Variants in TRAM2 observed in about 807,000 individuals in gnomAD.
TRAM2 encodes translocating chain-associated membrane protein 2.
Under a neutral mutation model 51.0 loss-of-function variants are expected in TRAM2, and 12 were observed. The observed-to-expected ratio is 0.24, with a 90% CI of 0.15 to 0.38. The LOEUF is 0.38. Ranked by LOEUF, TRAM2 falls within the 10% of genes least tolerant of loss-of-function variation. The pLI is 1.00. For synonymous variants in TRAM2, 175 were observed against 179.4 expected, an observed-to-expected ratio of 0.98 and a Z score of 0.20; for missense variants, 361 against 462.0, an observed-to-expected ratio of 0.78 and a Z score of 2.00.
At chr6:52,535,030 C>A (rs1035678710) in intron 2 of TRAM2, among the ~76,000 whole-genome samples, 2 of 151,890 alleles carry the variant, frequency 1.3e-5, no homozygotes, top group Non-Finnish European at 2.9e-5. Context: ...TGTGGCTGGG[C>A]CTGAGGTTTG....
Position 52,509,542 on chromosome 6 carries a change from C to T in TRAM2, c.456G>A (p.Pro152=), listed in dbSNP as rs147227009. 57 of 1,614,040 alleles carry T rather than the reference C, an allele frequency of 3.5e-5. No homozygotes were observed. In the East Asian group the frequency reaches 6.7e-4, roughly 19 times the overall value. The change falls in exon 5 of 11, where the codon CCG becomes CCA. Residue 152 remains proline, a synonymous_variant. Coordinates refer to ENST00000182527, the MANE Select transcript of TRAM2 (RefSeq NM_012288.4). ...AGAATACTCACGGGAGGTGCACATG[C>T]GGGTAGTCTTCCCAGAGGCTTCTTG... ...TNPRSLWEDY[P]HVHLPFQVKF...
chr6:52,547,175 A>AGG, intron 1 of TRAM2, among the ~76,000 whole-genome samples: 1 of 152,094 alleles, frequency 6.6e-6, no homozygotes, highest in Non-Finnish European at 1.5e-5. Context: ...GGTGCGGGAG[A>AGG]AGCTTAGACC....
At chr6:52,547,230 A>G (rs755267177) in intron 1 of TRAM2, among the ~76,000 whole-genome samples, 1 of 152,182 alleles carries the variant, frequency 6.6e-6, no homozygotes, top group Non-Finnish European at 1.5e-5. Context: ...GTGGTTGGAC[A>G]TGCAGAAAAA....
intron 2 of TRAM2, chr6:52,524,336 A>G (rs1488460432): frequency 6.7e-6 from 1 of 149,558 alleles, no homozygotes; most frequent in Non-Finnish European, 1.5e-5. Flanking sequence ...TTTATGTAAG[A>G]AAGGGCAGGA....
At chr6:52,555,290 C>T (rs1169044647) in intron 1 of TRAM2, among the ~76,000 whole-genome samples, 1 of 151,968 alleles carries the variant, frequency 6.6e-6, no homozygotes, top group East Asian at 1.9e-4. Context: ...ACCCCCAACC[C>T]ACCACCTCTC....
chr6:52,519,696 C>T (rs1766628623), intron 2 of TRAM2, among the ~76,000 whole-genome samples: 1 of 152,030 alleles, frequency 6.6e-6, no homozygotes, highest in Non-Finnish European at 1.5e-5. Flanking sequence ...CATCCATGTC[C>T]ATAGCAGCAC....
intron 1 of TRAM2, among the ~76,000 whole-genome samples, chr6:52,558,988 T>G (rs1210617261): frequency 2.6e-5 from 4 of 152,202 alleles, no homozygotes; most frequent in Non-Finnish European, 5.9e-5. Context: ...GGAAAGCTGT[T>G]CAAGAACCTG....
At chr6:52,539,574 C>T (rs886890017) in intron 1 of TRAM2, among the ~76,000 whole-genome samples, 7 of 151,982 alleles carry the variant, frequency 4.6e-5, no homozygotes, top group African/African-American at 9.7e-5. Context: ...AAGTGTACAG[C>T]TCTAAAGCAT....
chr6:52,556,625 T>C (rs1767411057), intron 1 of TRAM2, among the ~76,000 whole-genome samples: 1 of 149,594 alleles, frequency 6.7e-6, no homozygotes, highest in Admixed American at 6.6e-5. Flanking sequence ...CAGGCAGCAA[T>C]GTTTGAGTGT....
At chr6:52,516,573 C>G in intron 3 of TRAM2, 55 bp downstream of exon 3, 1 of 1,471,904 alleles carries the variant, frequency 6.8e-7, no homozygotes, top group Non-Finnish European at 9.5e-7. Context: ...GCCAGGTCCT[C>G]CACCCCAAGG....
chr6:52,516,728 G>A lies in TRAM2; in HGVS notation c.194C>T (p.Thr65Ile). The stretch of plus-strand genomic sequence containing the variant: ...CTTAGGGCCATAGTGGTAGTGCACG[G>A]TCTCACTGTCTGTGGAGGTAATAAA... ...NISVPTADSE[T>I]VHYHYGPKDL... The change falls in exon 3 of 11, where the codon ACC becomes ATC. Residue 65 changes from threonine (T) to isoleucine (I), a missense_variant. Coordinates refer to ENST00000182527, the MANE Select transcript of TRAM2 (RefSeq NM_012288.4). The A allele has an allele frequency of 6.2e-7, 1 of 1,613,236 alleles. No individual in the cohort carries two copies. The highest frequency in any genetic ancestry group is 1.1e-5 in the South Asian group (1 of 91,060).
chr6:52,535,822 A>G lies in TRAM2; in HGVS notation c.145T>C (p.Phe49Leu), dbSNP rs1397053532. The G allele has an allele frequency of 1.2e-6, 2 of 1,614,004 alleles. No homozygotes were observed. The highest frequency in any genetic ancestry group is 2.2e-5 in the East Asian group (1 of 44,896). ...CTAATGTTATACTGAGGTAAAATAA[A>G]TAGAAAGGCAGTCTTGGCTGTGACC... ...FEVTAKTAFL[F>L]ILPQYNISVP... The change falls in exon 2 of 11, where the codon TTT (phenylalanine) becomes CTT (leucine). Residue 49 changes from phenylalanine to leucine, a missense_variant. Physicochemically the swap from Phe to Leu is conservative, Grantham distance 22 (BLOSUM62 0). Transcript: ENST00000182527.
rs1394189768 is a variant in TRAM2 at position 52,498,942 on chromosome 6, G to T, written c.*4255C>A. On this transcript the variant is annotated 3_prime_UTR_variant, in exon 11 of 11. Coordinates refer to ENST00000182527, the MANE Select transcript of TRAM2 (RefSeq NM_012288.4). The stretch of plus-strand genomic sequence containing the variant: ...TTGGGACAAAAAGTCTACAGGGGTT[G>T]CCAAGCACGAAAGGCTACATGGAGA... The T allele has an allele frequency of 6.6e-6, 1 of 152,484 alleles. No homozygotes were observed. The highest frequency in any genetic ancestry group is 2.4e-5 in the African/African-American group (1 of 41,372). The allele number at this position is 152,484 out of a possible 1,614,324, so 9.4% of individuals were successfully genotyped here.
chr6:52,561,107 T>C (rs920679941), intron 1 of TRAM2, among the ~76,000 whole-genome samples: 14 of 152,186 alleles, frequency 9.2e-5, no homozygotes, highest in Non-Finnish European at 1.5e-4. Flanking sequence ...CCTGAAAACA[T>C]GCTACGTGAA....
At chr6:52,546,743 G>A (rs986416607) in intron 1 of TRAM2, among the ~76,000 whole-genome samples, 3 of 152,102 alleles carry the variant, frequency 2.0e-5, no homozygotes, top group Non-Finnish European at 4.4e-5. Flanking sequence ...ACAGTCAGAG[G>A]GGCCAGAGGA....
At chr6:52,505,970 G>C in intron 8 of TRAM2, 62 bp downstream of exon 8, 2 of 1,568,908 alleles carry the variant, frequency 1.3e-6, no homozygotes, top group Non-Finnish European at 1.8e-6. Flanking sequence ...CCAACCATCC[G>C]GGCCTCGGGG....
intron 1 of TRAM2, among the ~76,000 whole-genome samples, chr6:52,554,008 C>G (rs1767356654): frequency 6.6e-6 from 1 of 152,146 alleles, no homozygotes; most frequent in African/African-American, 2.4e-5. Context: ...TTCCATGGGA[C>G]AGCAGGAAGA....
rs781243955 is a variant in TRAM2, at chr6:52,506,158, C to T, written c.627-22G>A. The T allele has an allele frequency of 6.2e-6, 10 of 1,603,494 alleles. No homozygotes were observed. The South Asian group carries it at 1.1e-4, about 18-fold the overall frequency. Reference sequence around the variant, plus strand: ...CAGGCTGGGGGTGGGGAAGACTAGACTTACATTCCCTCCAAGATGCTGCGT... The same window carrying T: ...CAGGCTGGGGGTGGGGAAGACTAGATTTACATTCCCTCCAAGATGCTGCGT... On this transcript the variant is annotated intron_variant, in intron 7 of 10. Transcript: ENST00000182527.
At chr6:52,556,240 A>T (rs374552263) in intron 1 of TRAM2, among the ~76,000 whole-genome samples, 2 of 150,360 alleles carry the variant, frequency 1.3e-5, no homozygotes. Flanking sequence ...GTCACCGAGA[A>T]GCCCTCCGCA....
Sources: allele counts gnomAD v4.1 joint callset (sites outside exome capture counted in the v4.1 genomes callset), GRCh38; gene constraint gnomAD v4.1.1; transcripts MANE v1.5; gene names NCBI Gene and HGNC (gene_info 2026-07-23, HGNC 2026-07-21).